Variants in TP53BP1 observed in about 807,000 individuals in gnomAD.
TP53BP1 encodes the protein tumor protein p53 binding protein 1, also known as TP53-binding protein 1.
Under a neutral mutation model 200.8 loss-of-function variants are expected in TP53BP1, and 61 were observed. The observed-to-expected ratio is 0.30, with a 90% CI of 0.25 to 0.38. The LOEUF (loss-of-function observed/expected upper bound fraction) is 0.38, where lower values mean the gene tolerates loss of function less well. Ranked by LOEUF, TP53BP1 falls within the 10% of genes least tolerant of loss-of-function variation. The pLI is 1.00. For missense variants in TP53BP1, 2,144 were observed against 2,371.9 expected, an observed-to-expected ratio of 0.90 and a Z score of 2.00; for synonymous variants, 822 against 844.3, an observed-to-expected ratio of 0.97 and a Z score of 0.46.
chr15:43,491,615 TAAA>T, intron 4 of TP53BP1, 51 bp downstream of exon 4: 2 of 1,346,924 alleles, frequency 1.5e-6, no homozygotes, highest in Non-Finnish European at 2.1e-6. Flanking sequence ...CAGGTACAGA[TAAA>T]AGAACAAATC....
chr15:43,509,839 A>C (rs1158326307), intron 1 of TP53BP1, among the ~76,000 whole-genome samples: 2 of 152,148 alleles, frequency 1.3e-5, no homozygotes, highest in South Asian at 2.1e-4. Flanking sequence ...GACAAAAAAA[A>C]ACCCAAAAAC....
chr15:43,424,057 C>G (rs551374795), intron 18 of TP53BP1, among the ~76,000 whole-genome samples: 1 of 152,328 alleles, frequency 6.6e-6, no homozygotes, highest in South Asian at 2.1e-4. Flanking sequence ...ACCTGAAATT[C>G]AACAGATCCA....
At chr15:43,440,384 T>G (rs2045898683) in intron 15 of TP53BP1, among the ~76,000 whole-genome samples, 1 of 152,082 alleles carries the variant, frequency 6.6e-6, no homozygotes, top group African/African-American at 2.4e-5. Context: ...GCGTGGTGGC[T>G]GGCACCTGTA....
chr15:43,422,262 G>T, intron 18 of TP53BP1, 136 bp from the exon 19 acceptor site: 1 of 1,059,364 alleles, frequency 9.4e-7, no homozygotes, highest in Non-Finnish European at 1.3e-6. Context: ...CTGGAATAAT[G>T]GGAATGTTCT....
chr15:43,456,273 G>A lies in TP53BP1; in HGVS notation c.2335C>T (p.Pro779Ser). The change falls in exon 12 of 28, where the codon CCT (proline) becomes TCT (serine). Residue 779 changes from proline to serine, a missense_variant. Coordinates refer to ENST00000382044, the MANE Select transcript of TP53BP1 (RefSeq NM_001141980.3). ...PSPRVDVSCEPLEGVEKCSDS... is the reference protein window; with the variant it reads ...PSPRVDVSCESLEGVEKCSDS... ...GAGCACTTCTCCACTCCCTCCAAAG[G>A]TTCACAAGAAACATCAACTCTGGGA... The A allele has an allele frequency of 1.2e-6, 2 of 1,614,058 alleles. No homozygotes were observed. Among genetic ancestry groups the A allele is most frequent in the African/African-American group, 1.3e-5 (1 of 75,024 alleles).
chr15:43,455,904 C>T lies in TP53BP1; in HGVS notation c.2704G>A (p.Glu902Lys), dbSNP rs1358010397. Residue 902 changes from glutamate to lysine, a missense_variant, in exon 12 of 28, where the codon GAA (glutamate) becomes AAA (lysine). Transcript: ENST00000382044. ...PSAHASQSFC[E>K]SSSETPFHFT... The stretch of plus-strand genomic sequence containing the variant: ...CAATCACACTCACCACTAGAACTTT[C>T]ACAGAAGCTTTGTGAGGCATGGGCA... The T allele has an allele frequency of 6.2e-7, 1 of 1,614,056 alleles. No homozygotes were observed. Among genetic ancestry groups the T allele is most frequent in the South Asian group, 1.1e-5 (1 of 91,032 alleles).
chr15:43,445,649 T>G (rs1383259547), intron 14 of TP53BP1, among the ~76,000 whole-genome samples: 1 of 152,222 alleles, frequency 6.6e-6, no homozygotes, highest in Non-Finnish European at 1.5e-5. Flanking sequence ...AGTACTATTA[T>G]GGAAATGAGA....
At position 43,491,704 on chromosome 15, in the gene TP53BP1, G is replaced by C; in HGVS notation, c.336C>G (p.Val112=). Residue 112 remains valine, a synonymous_variant, in exon 4 of 28, where the codon GTC becomes GTG. Coordinates refer to ENST00000382044, the MANE Select transcript of TP53BP1 (RefSeq NM_001141980.3). ...NLDTCGSISQ[V]IEQLPQPNRT... ...TGTTTGGCTGAGGTAACTGCTCAAT[G>C]ACCTGACTGATGGAACCACATGTGT... 1 of 1,614,012 alleles carries C rather than the reference G, an allele frequency of 6.2e-7. No homozygotes were observed. The highest frequency in any genetic ancestry group is 8.5e-7 in the Non-Finnish European group (1 of 1,179,984).
chr15:43,428,271 CTAG>C, intron 17 of TP53BP1, 103 bp from the exon 18 acceptor site: 1 of 1,001,764 alleles, frequency 1.0e-6, no homozygotes, highest in Admixed American at 2.2e-5. Context: ...CTCCATGAAT[CTAG>C]TGTGACAGAA....
At position 43,420,608 on chromosome 15, in the gene TP53BP1, C is replaced by T; in HGVS notation, c.4378G>A (p.Gly1460Ser). The T allele has an allele frequency of 1.2e-6, 2 of 1,614,162 alleles. No homozygotes were observed. The highest frequency in any genetic ancestry group is 1.7e-6 in the Non-Finnish European group (2 of 1,180,036). Residue 1460 changes from glycine to serine, a missense_variant, in exon 21 of 28, where the codon GGT becomes AGT. Gly to Ser is a moderately conservative substitution (Grantham distance 56). Around this residue, in one of 4 missense-constraint regions of TP53BP1, gnomAD observed 49 missense variants for 60.7 expected, o/e 0.81. Transcript: ENST00000382044. Reference protein sequence around the residue: ...DSTRRTDVGAGALRRSDSPEI... With the variant: ...DSTRRTDVGASALRRSDSPEI... ...GGAGAGTCACTACGACGCAAAGCACCAGCACCCACATCTGTTCGTCTGGTG... is the reference window on the plus strand; with the variant it reads ...GGAGAGTCACTACGACGCAAAGCACTAGCACCCACATCTGTTCGTCTGGTG...
chr15:43,445,442 T>C (rs529537137), intron 14 of TP53BP1, among the ~76,000 whole-genome samples: 31 of 152,308 alleles, frequency 2.0e-4, no homozygotes, highest in African/African-American at 6.7e-4. Flanking sequence ...CTTTATGAGA[T>C]TTCTTCCTCT....
Position 43,446,499 on chromosome 15 carries a change from T to C in TP53BP1, c.2928A>G (p.Gly976=), listed in dbSNP as rs1471178004. The C allele has an allele frequency of 6.2e-7, 1 of 1,614,014 alleles. No homozygotes were observed. The highest frequency in any genetic ancestry group is 8.5e-7 in the Non-Finnish European group (1 of 1,180,022). Residue 976 remains glycine, a synonymous_variant, in exon 14 of 28, where the codon GGA becomes GGG. Transcript: ENST00000382044. ...CTGGGGCAGCCCCAGAATCCCCTTTTCCACTCCCAAGTATGGGATCATGGG... is the reference window on the plus strand; with the variant it reads ...CTGGGGCAGCCCCAGAATCCCCTTTCCCACTCCCAAGTATGGGATCATGGG... ...VETHDPILGS[G]KGDSGAAPDV...
At position 43,456,106 on chromosome 15, in the gene TP53BP1, A is replaced by C. The variant is rs690367; in HGVS notation, c.2502T>G (p.Asp834Glu). Reference sequence around the variant, plus strand: ...CTAAAGGTAAGGAAGGCTGTGAAGAATCTTGCTCTACAGGTTCTGTTTCTG... The same window carrying C: ...CTAAAGGTAAGGAAGGCTGTGAAGACTCTTGCTCTACAGGTTCTGTTTCTG... The part of the protein sequence containing the change: ...GTAETEPVEQ[D>E]SSQPSLPLVR... Residue 834 changes from aspartate (D) to glutamate (E), a missense_variant, in exon 12 of 28, where the codon GAT becomes GAG. This residue lies in a region of TP53BP1 where 1,700 missense variants were observed against 1,710.3 expected (regional missense o/e 0.99). Coordinates refer to ENST00000382044, the MANE Select transcript of TP53BP1 (RefSeq NM_001141980.3). 3.1e-6 allele frequency: 5 copies of C among 1,614,088 alleles called. No individual in the cohort carries two copies. The South Asian group carries it at 4.4e-5, about 14-fold the overall frequency.
At chr15:43,446,360 A>G in intron 14 of TP53BP1, 27 bp downstream of exon 14, 1 of 1,584,480 alleles carries the variant, frequency 6.3e-7, no homozygotes, top group Non-Finnish European at 8.7e-7. Context: ...GCAGCTACTA[A>G]TTACCCAAGA....
intron 1 of TP53BP1, among the ~76,000 whole-genome samples, chr15:43,500,896 C>A (rs1343330668): frequency 2.6e-5 from 4 of 151,816 alleles, no homozygotes; most frequent in East Asian, 1.9e-4. Context: ...AATGAACAGG[C>A]CAGGCATGGT....
At chr15:43,475,336 C>T (rs1448118758) in intron 9 of TP53BP1, among the ~76,000 whole-genome samples, 1 of 152,190 alleles carries the variant, frequency 6.6e-6, no homozygotes, top group South Asian at 2.1e-4. Context: ...ATAACTGCGC[C>T]TTTTCTTTCT....
At chr15:43,480,047 T>A (rs935486593) in intron 5 of TP53BP1, 30 bp from the exon 6 acceptor site, 1 of 1,606,450 alleles carries the variant, frequency 6.2e-7, no homozygotes, top group African/African-American at 1.3e-5. Context: ...AAATTAGGTA[T>A]CATCCCACAA....
In TP53BP1 at chr15:43,475,577, T is replaced by C. The variant is rs1484956471; in HGVS notation, c.1073A>G (p.Asp358Gly). 1.2e-6 allele frequency: 2 copies of C among 1,614,106 alleles called. No individual in the cohort carries two copies. Among genetic ancestry groups the C allele is most frequent in the South Asian group, 1.1e-5 (1 of 91,084 alleles). ...TAGGCTTACTTACGTGGAAAGACTG[T>C]CCTGAACAAGGGACCTCTGACCAGA... ...QLSGQRSLVQ[D>G]SLSTNSSDLV... Residue 358 changes from aspartate (D) to glycine (G), a missense_variant, in exon 9 of 28, where the codon GAC becomes GGC. By Grantham distance (94) the Asp-to-Gly change is moderately conservative. Around this residue, in one of 4 missense-constraint regions of TP53BP1, gnomAD observed 1,700 missense variants for 1,710.3 expected, o/e 0.99. Coordinates refer to ENST00000382044, the MANE Select transcript of TP53BP1 (RefSeq NM_001141980.3).
chr15:43,476,347 T>C (rs2078881835), intron 8 of TP53BP1, among the ~76,000 whole-genome samples: 2 of 152,218 alleles, frequency 1.3e-5, no homozygotes. Context: ...GATGCTTCTA[T>C]TAAAAAACAG....
Sources: allele counts gnomAD v4.1 joint callset (sites outside exome capture counted in the v4.1 genomes callset), GRCh38; gene constraint gnomAD v4.1.1; regional missense constraint gnomAD v4.1.1; transcripts MANE v1.5; gene names NCBI Gene and HGNC (gene_info 2026-07-23, HGNC 2026-07-21).